Variants in HARS2 observed in about 807,000 individuals in gnomAD.
HARS2 encodes the protein histidyl-tRNA synthetase 2, mitochondrial.
HARS2 carries 40 observed loss-of-function variants against 62.4 expected under a neutral mutation model. That is an observed-to-expected ratio of 0.64 (90% CI 0.50 to 0.83). The LOEUF (loss-of-function observed/expected upper bound fraction) is 0.83. Among genes scored for constraint, HARS2 ranks in the 40% least tolerant of loss-of-function variants. HARS2 has a pLI of 0.00. For synonymous variants in HARS2, 228 were observed against 227.0 expected, an observed-to-expected ratio of 1.00 and a Z score of -0.04; for missense variants, 569 against 626.4, an observed-to-expected ratio of 0.91 and a Z score of 0.98.
intron 1 of HARS2, chr5:140,692,129 G>C: frequency 4.0e-6 from 1 of 247,998 alleles, no homozygotes; most frequent in Non-Finnish European, 8.1e-6. Context: ...GATGACTAAA[G>C]ATCAGAAGTA....
chr5:140,697,886 G>T (rs1759817651), intron 11 of HARS2, 46 bp from the exon 12 acceptor site: 1 of 1,595,522 alleles, frequency 6.3e-7, no homozygotes, highest in South Asian at 1.1e-5. Context: ...GAGGTTTGTT[G>T]CTGTGTTCAC....
intron 4 of HARS2, among the ~76,000 whole-genome samples, chr5:140,694,946 C>CA (rs199516955): frequency 4.6e-5 from 7 of 150,946 alleles, no homozygotes; most frequent in East Asian, 1.9e-4. Flanking sequence ...AACTCTGTCT[C>CA]AAAAAAAAAA....
rs574403709 is a variant in HARS2 at position 140,694,771 on chromosome 5, C to T, written c.399+491C>T. On this transcript the variant is annotated intron_variant, in intron 4 of 12. Coordinates refer to ENST00000230771, the MANE Select transcript of HARS2 (RefSeq NM_012208.4). ...TTTGGGACTGACTGTCACCTTGTCTCCACAGATCTCTTTTGACGTAAAAAG... is the reference window on the plus strand; with the variant it reads ...TTTGGGACTGACTGTCACCTTGTCTTCACAGATCTCTTTTGACGTAAAAAG... Among the ~76,000 whole-genome samples, 14 of 152,118 alleles carry T rather than the reference C, an allele frequency of 9.2e-5. 1 individual carries two copies. In the South Asian group the frequency reaches 2.9e-3, roughly 32 times the overall value.
At chr5:140,696,802 A>G (rs2149855676) in intron 8 of HARS2, 141 bp from the exon 9 acceptor site, 1 of 832,374 alleles carries the variant, frequency 1.2e-6, no homozygotes. Flanking sequence ...GCAAAGGAGG[A>G]GGGTCTTGTC....
intron 11 of HARS2, 64 bp downstream of exon 11, chr5:140,697,749 C>CT: frequency 1.5e-6 from 2 of 1,304,088 alleles, no homozygotes; most frequent in Non-Finnish European, 2.2e-6. Context: ...AGGGCTATAT[C>CT]TATCTTATGT....
chr5:140,694,082 A>G (rs764224258), intron 3 of HARS2, 28 bp downstream of exon 3: 6 of 1,613,572 alleles, frequency 3.7e-6, no homozygotes, highest in East Asian at 4.5e-5. Context: ...AGTACGTGCA[A>G]CCTCACTCAC....
At position 140,698,591 on chromosome 5, in the gene HARS2, G is replaced by A; in HGVS notation, c.*39G>A. The A allele has an allele frequency of 6.7e-7, 1 of 1,503,592 alleles. No individual in the cohort carries two copies. Among genetic ancestry groups the A allele is most frequent in the Non-Finnish European group, 9.3e-7 (1 of 1,079,116 alleles). 93.1% of individuals were successfully genotyped at this position (1,503,592 alleles called of 1,614,324 possible). On this transcript the variant is annotated 3_prime_UTR_variant, in exon 13 of 13. Transcript: ENST00000230771. ...CCCATCTGCTGCTCTTTGTAGAAAA[G>A]GTTTCCTCTAGAACTGAATTCCTCT...
Position 140,693,677 on chromosome 5 carries a change from TG to T in HARS2, c.183+13del. 1 of 1,609,162 alleles carries T rather than the reference TG, an allele frequency of 6.2e-7. No homozygotes were observed. The highest frequency in any genetic ancestry group is 8.5e-7 in the Non-Finnish European group (1 of 1,175,384). On this transcript the variant is annotated intron_variant, in intron 2 of 12. Coordinates refer to ENST00000230771, the MANE Select transcript of HARS2 (RefSeq NM_012208.4). ...TCAAGACCCCAAAGGTAATACTTTTTGCCTACCCTATCCCATTAGAGTGCCT... is the reference window on the plus strand; with the variant it reads ...TCAAGACCCCAAAGGTAATACTTTTTCCTACCCTATCCCATTAGAGTGCCT...
Position 140,691,603 on chromosome 5 carries a change from C to T in HARS2, c.-46C>T. 2 of 1,287,330 alleles carry T rather than the reference C, an allele frequency of 1.6e-6. No individual in the cohort carries two copies. Among genetic ancestry groups the T allele is most frequent in the African/African-American group, 1.5e-5 (1 of 68,092 alleles). The allele number at this position is 1,287,330 out of a possible 1,614,324, so 79.7% of individuals were successfully genotyped here. A position where few individuals can be genotyped will look rare whatever the true frequency, so the allele number is the denominator to read the frequency against. On this transcript the variant is annotated 5_prime_UTR_variant, in exon 1 of 13. Coordinates refer to ENST00000230771, the MANE Select transcript of HARS2 (RefSeq NM_012208.4). ...TCCTGGTGTCTGACCCGCCTCCTTCCCAGGCCTTTTGTTCCTGTCCCGGAA... is the reference window on the plus strand; with the variant it reads ...TCCTGGTGTCTGACCCGCCTCCTTCTCAGGCCTTTTGTTCCTGTCCCGGAA...
Position 140,699,096 on chromosome 5 carries a change from C to G in HARS2, c.*544C>G, listed in dbSNP as rs1759882161. The stretch of plus-strand genomic sequence containing the variant: ...CCATGTTGATTTGACATCTCTCTAG[C>G]CCATCCATTGCTTACAGTAGAAGAG... On this transcript the variant is annotated 3_prime_UTR_variant, in exon 13 of 13. Coordinates refer to ENST00000230771, the MANE Select transcript of HARS2 (RefSeq NM_012208.4). The G allele has an allele frequency of 1.0e-5, 2 of 194,414 alleles. No homozygotes were observed. The highest frequency in any genetic ancestry group is 1.1e-5 in the Non-Finnish European group (1 of 92,846). The allele number at this position is 194,414 out of a possible 1,614,324, so 12.0% of individuals were successfully genotyped here.
intron 12 of HARS2, 65 bp from the exon 13 acceptor site, chr5:140,698,428 A>T: frequency 8.3e-7 from 1 of 1,206,058 alleles, no homozygotes; most frequent in South Asian, 1.2e-5. Context: ...AAATCTGGAA[A>T]AACAGTGGCT....
At chr5:140,697,540 ATTAG>A in intron 10 of HARS2, 25 bp from the exon 11 acceptor site, 1 of 1,602,214 alleles carries the variant, frequency 6.2e-7, no homozygotes, top group Non-Finnish European at 8.6e-7. Flanking sequence ...GGAGGTTTTT[ATTAG>A]TTTTACTTTC....
rs1354809959 is a variant in HARS2, at chr5:140,693,599, G to A, written c.117G>A (p.Glu39=). ...ATTCATTCTTCTGCCAGGTTGCAGAGGCAGTGTTAACATCCCAACTGAAAG... is the reference window on the plus strand; with the variant it reads ...ATTCATTCTTCTGCCAGGTTGCAGAAGCAGTGTTAACATCCCAACTGAAAG... ...GAVRCQSQVA[E]AVLTSQLKAH... The change falls in exon 2 of 13, where the codon GAG becomes GAA. Residue 39 remains glutamate (E), a synonymous_variant. Coordinates refer to ENST00000230771, the MANE Select transcript of HARS2 (RefSeq NM_012208.4). The A allele has an allele frequency of 6.2e-7, 1 of 1,613,840 alleles. No homozygotes were observed. The highest frequency in any genetic ancestry group is 8.5e-7 in the Non-Finnish European group (1 of 1,179,778).
chr5:140,698,515 T>G lies in HARS2; in HGVS notation c.1484T>G (p.Phe495Cys), dbSNP rs757715558. The G allele has an allele frequency of 6.8e-6, 11 of 1,613,248 alleles. No individual in the cohort carries two copies. In the East Asian group the frequency reaches 2.0e-4, roughly 29 times the overall value. ...REEVAIKREN[F>C]VAEIQKRLSE... ...CAGGTGGCCATTAAACGGGAAAATT[T>G]TGTGGCTGAAATTCAGAAGCGACTG... The change falls in exon 13 of 13, where the codon TTT becomes TGT. Residue 495 changes from phenylalanine to cysteine, a missense_variant. Coordinates refer to ENST00000230771, the MANE Select transcript of HARS2 (RefSeq NM_012208.4).
Position 140,696,037 on chromosome 5 carries a change from G to A in HARS2, c.634-66G>A, listed in dbSNP as rs1759728095. On this transcript the variant is annotated intron_variant, in intron 6 of 12. Transcript: ENST00000230771. The stretch of plus-strand genomic sequence containing the variant: ...TCCTTTTTGTGTGTCAGGAAAGTAG[G>A]TACTGCCATTGTTTTGAGTGGAAGG... 2.8e-5 allele frequency: 32 copies of A among 1,158,870 alleles called. No individual in the cohort carries two copies. In the South Asian group the frequency reaches 3.4e-4, roughly 12 times the overall value. 71.8% of individuals were successfully genotyped at this position (1,158,870 alleles called of 1,614,324 possible).
Position 140,693,939 on chromosome 5 carries a change from C to G in HARS2, c.188C>G (p.Thr63Ser). The change falls in exon 3 of 13, where the codon ACC becomes AGC. Residue 63 changes from threonine (T) to serine (S), a missense_variant. Physicochemically the swap from Thr to Ser is moderately conservative, Grantham distance 58 (BLOSUM62 1). Coordinates refer to ENST00000230771, the MANE Select transcript of HARS2 (RefSeq NM_012208.4). ...ATGGCTGCTTTTGGTTTCCAGGGTACCAGGGATCTTAGTCCTCAGCATATG... is the reference window on the plus strand; with the variant it reads ...ATGGCTGCTTTTGGTTTCCAGGGTAGCAGGGATCTTAGTCCTCAGCATATG... ...PNFIIKTPKG[T>S]RDLSPQHMVV... 6.2e-7 allele frequency: 1 copy of G among 1,613,936 alleles called. No individual in the cohort carries two copies. The highest frequency in any genetic ancestry group is 8.5e-7 in the Non-Finnish European group (1 of 1,179,962).
chr5:140,692,707 G>A (rs3776129), intron 1 of HARS2, among the ~76,000 whole-genome samples: 65,325 of 151,884 alleles, frequency 0.43, 14,278 homozygotes, highest in East Asian at 0.47. Flanking sequence ...AGCCTGACCT[G>A]TATGGCGAAA....
In HARS2 at chr5:140,698,683, T is replaced by C. The variant is rs1313252349; in HGVS notation, c.*131T>C. ...TGACAAGTACCTTCTGCCTCCTCCATTCTTCCTGGGTGCAGAACTGTAGAA... is the reference window on the plus strand; with the variant it reads ...TGACAAGTACCTTCTGCCTCCTCCACTCTTCCTGGGTGCAGAACTGTAGAA... On this transcript the variant is annotated 3_prime_UTR_variant, in exon 13 of 13. Transcript: ENST00000230771. 3 of 813,310 alleles carry C rather than the reference T, an allele frequency of 3.7e-6. No individual in the cohort carries two copies. Among genetic ancestry groups the C allele is most frequent in the Non-Finnish European group, 6.6e-6 (3 of 455,146 alleles). 50.4% of individuals were successfully genotyped at this position (813,310 alleles called of 1,614,324 possible). A position where few individuals can be genotyped will look rare whatever the true frequency, so the allele number is the denominator to read the frequency against.
intron 1 of HARS2, chr5:140,693,376 G>C: frequency 2.2e-6 from 2 of 907,000 alleles, no homozygotes; most frequent in South Asian, 1.5e-5. Flanking sequence ...AGCTTGTGTG[G>C]TGAAGACCTG....
Sources: gnomAD v4.1 joint callset for allele counts (sites outside exome capture counted in the v4.1 genomes callset) on GRCh38, gnomAD v4.1.1 for gene constraint, MANE v1.5 for transcripts, NCBI Gene and HGNC (gene_info 2026-07-23, HGNC 2026-07-21) for gene names.